Variants in SPATA13 observed in about 807,000 individuals in gnomAD.
SPATA13 encodes spermatogenesis associated 13, also known as spermatogenesis-associated protein 13.
In SPATA13, 50 loss-of-function variants were observed where a neutral mutation model predicts 104.0. The ratio of observed to expected loss-of-function variants is 0.48; its 90% CI spans 0.38 to 0.61. The LOEUF (loss-of-function observed/expected upper bound fraction) is 0.61. Among genes scored for constraint, SPATA13 ranks in the 20% least tolerant of loss-of-function variants. The pLI is 0.00. For synonymous variants in SPATA13, 606 were observed against 667.5 expected, an observed-to-expected ratio of 0.91 and a Z score of 1.42; for missense variants, 1,524 against 1,690.6, an observed-to-expected ratio of 0.90 and a Z score of 1.73.
At chr13:24,191,487 C>A (rs1869742596) in intron 1 of SPATA13, among the ~76,000 whole-genome samples, 1 of 147,458 alleles carries the variant, frequency 6.8e-6, no homozygotes, top group African/African-American at 2.5e-5. Flanking sequence ...CTCTTTCTCA[C>A]TATACATTGC....
chr13:24,032,137 C>T (rs974328575), intron 3 of SPATA13, among the ~76,000 whole-genome samples: 6 of 152,144 alleles, frequency 3.9e-5, no homozygotes, highest in African/African-American at 7.2e-5. Flanking sequence ...TCTGATCACC[C>T]GGCTTCTCTT....
chr13:24,070,253 G>T (rs935159350), intron 3 of SPATA13, among the ~76,000 whole-genome samples: 4 of 152,206 alleles, frequency 2.6e-5, no homozygotes, highest in Non-Finnish European at 5.9e-5. Context: ...TGATGGGTCT[G>T]CTTGGGCAAC....
chr13:24,059,352 T>TTGATCTCTCAGAAGATTGTTCTCAGTA (rs1390475282), intron 3 of SPATA13, among the ~76,000 whole-genome samples: 2 of 149,276 alleles, frequency 1.3e-5, no homozygotes, highest in African/African-American at 4.8e-5. Flanking sequence ...AGGCTTGTCT[T>TTGATCTCTCAGAAGATTGTTCTCAGTA]TGATCTCTCA....
chr13:24,065,728 A>G (rs1305726532), intron 3 of SPATA13, among the ~76,000 whole-genome samples: 2 of 152,268 alleles, frequency 1.3e-5, no homozygotes, highest in Non-Finnish European at 2.9e-5. Flanking sequence ...GATATTTATG[A>G]TAGTTTCATA....
At chr13:24,166,759 G>A (rs1882748855) in intron 1 of SPATA13, among the ~76,000 whole-genome samples, 1 of 152,188 alleles carries the variant, frequency 6.6e-6, no homozygotes, top group Non-Finnish European at 1.5e-5. Flanking sequence ...CTTCCTGGAG[G>A]CTCTGAACAG....
At chr13:24,083,330 C>G in intron 3 of SPATA13, among the ~76,000 whole-genome samples, 1 of 152,032 alleles carries the variant, frequency 6.6e-6, no homozygotes, top group East Asian at 1.9e-4. Flanking sequence ...AACCCTGCCC[C>G]GCCCACAGGA....
intron 2 of SPATA13, among the ~76,000 whole-genome samples, chr13:24,004,139 G>A (rs1250927070): frequency 3.9e-5 from 6 of 152,122 alleles, no homozygotes; most frequent in Non-Finnish European, 8.8e-5. Context: ...TCTGTCTTTG[G>A]TGAAACACGG....
At chr13:24,083,479 G>A (rs972612939) in intron 3 of SPATA13, among the ~76,000 whole-genome samples, 9 of 152,214 alleles carry the variant, frequency 5.9e-5, no homozygotes, top group Non-Finnish European at 1.2e-4. Context: ...AGGAACTTGA[G>A]TTGAAGTCCA....
chr13:24,094,913 T>TTGG (rs1214760339), intron 3 of SPATA13, among the ~76,000 whole-genome samples: 1 of 152,196 alleles, frequency 6.6e-6, no homozygotes, highest in Admixed American at 6.5e-5. Flanking sequence ...ATACTAAGTG[T>TTGG]TGGTGAGGAT....
At chr13:24,261,770 C>A (rs1227481183) in intron 4 of SPATA13, among the ~76,000 whole-genome samples, 10 of 151,326 alleles carry the variant, frequency 6.6e-5, no homozygotes, top group African/African-American at 9.7e-5. Context: ...GAGCTTCGTG[C>A]CCTTAAAAAA....
intron 3 of SPATA13, among the ~76,000 whole-genome samples, chr13:24,251,306 A>G (rs1389711128): frequency 6.6e-6 from 1 of 152,192 alleles, no homozygotes; most frequent in South Asian, 2.1e-4. Flanking sequence ...ACAGATGGCC[A>G]CCCTGGCCGG....
At chr13:24,177,819 C>T (rs1444871376) in intron 1 of SPATA13, among the ~76,000 whole-genome samples, 2 of 152,120 alleles carry the variant, frequency 1.3e-5, no homozygotes, top group African/African-American at 4.8e-5. Flanking sequence ...CTTCTAAAGG[C>T]CCTATCTTTC....
At chr13:24,169,641 G>A (rs190947943) in intron 1 of SPATA13, among the ~76,000 whole-genome samples, 1 of 152,294 alleles carries the variant, frequency 6.6e-6, no homozygotes, top group East Asian at 1.9e-4. Context: ...TCTGGCACAG[G>A]TGCCCAGTGT....
chr13:24,064,016 G>C (rs1878866160), intron 3 of SPATA13, among the ~76,000 whole-genome samples: 1 of 152,110 alleles, frequency 6.6e-6, no homozygotes, highest in Admixed American at 6.5e-5. Context: ...AACGTGCCCT[G>C]GATCTGCTCC....
At chr13:24,274,043 G>C (rs1874801355) in intron 4 of SPATA13, among the ~76,000 whole-genome samples, 1 of 152,176 alleles carries the variant, frequency 6.6e-6, no homozygotes, top group Non-Finnish European at 1.5e-5. Context: ...TTTTGGGTGG[G>C]AAAGTTGCTC....
chr13:24,026,223 T>G (rs937876627), intron 3 of SPATA13, among the ~76,000 whole-genome samples: 1 of 152,236 alleles, frequency 6.6e-6, no homozygotes, highest in South Asian at 2.1e-4. Context: ...TCTTTTTCCT[T>G]TTATGATTAA....
chr13:24,154,666 C>T (rs979239873), intron 3 of SPATA13, among the ~76,000 whole-genome samples: 7 of 152,108 alleles, frequency 4.6e-5, no homozygotes, highest in Admixed American at 2.0e-4. Flanking sequence ...CACTTTTAAG[C>T]GAGTTTCCAG....
intron 3 of SPATA13, among the ~76,000 whole-genome samples, chr13:24,150,158 C>T (rs1882055277): frequency 6.6e-6 from 1 of 152,114 alleles, no homozygotes; most frequent in Non-Finnish European, 1.5e-5. Flanking sequence ...GGGCCAGACC[C>T]TCTGTCCTGA....
intron 4 of SPATA13, chr13:24,278,933 C>G: frequency 1.8e-6 from 1 of 541,332 alleles, no homozygotes. Flanking sequence ...TCCCTCTTTC[C>G]TTCCTTCCTT....
Sources: gnomAD v4.1 joint callset for allele counts (sites outside exome capture counted in the v4.1 genomes callset) on GRCh38, gnomAD v4.1.1 for gene constraint, MANE v1.5 for transcripts, NCBI Gene and HGNC (gene_info 2026-07-23, HGNC 2026-07-21) for gene names.